The following ENOX1 variants were observed in gnomAD, a reference collection of about 807,000 sequenced individuals.
ENOX1 encodes the protein ecto-NOX disulfide-thiol exchanger 1, also known as candidate growth-related and time keeping constitutive hydroquinone (NADH) oxidase.
A neutral mutation model predicts 82.5 loss-of-function variants in ENOX1; 42 were observed. That is an observed-to-expected ratio of 0.51 (90% CI 0.40 to 0.66). The LOEUF (loss-of-function observed/expected upper bound fraction) is 0.66. ENOX1 is among the 30% of genes least tolerant of loss of function. ENOX1 has a pLI of 0.00. For synonymous variants in ENOX1, 271 were observed against 282.2 expected, an observed-to-expected ratio of 0.96 and a Z score of 0.40; for missense variants, 608 against 811.6, an observed-to-expected ratio of 0.75 and a Z score of 3.05.
chr13:43,261,737 G>C (rs570744137), intron 14 of ENOX1, among the ~76,000 whole-genome samples: 22 of 146,688 alleles, frequency 1.5e-4, no homozygotes, highest in Non-Finnish European at 3.1e-4. Flanking sequence ...ACTATCACAA[G>C]AACAAAAAAC....
At position 43,260,155 on chromosome 13, in the gene ENOX1, G is replaced by A. The variant is rs77145997; in HGVS notation, c.1611+5243C>T. 4.6e-3 allele frequency among the ~76,000 whole-genome samples: 700 copies of A among 152,304 alleles called. 12 individuals are homozygous for A. Among genetic ancestry groups the A allele is most frequent in the African/African-American group, 0.016 (675 of 41,564 alleles). ...CCTTCTGCTGTGCTGTACTAAACTTGAAGAATGTTCTTTGCACATATCTCT... is the reference window on the plus strand; with the variant it reads ...CCTTCTGCTGTGCTGTACTAAACTTAAAGAATGTTCTTTGCACATATCTCT... On this transcript the variant is annotated intron_variant, in intron 14 of 16. Transcript: ENST00000690772.
intron 3 of ENOX1, among the ~76,000 whole-genome samples, chr13:43,475,793 C>G (rs1221936887): frequency 8.0e-5 from 1 of 12,446 alleles, no homozygotes; most frequent in Admixed American, 1.3e-3. Context: ...ACATAACTGA[C>G]CAAAAAAAAA....
intron 12 of ENOX1, among the ~76,000 whole-genome samples, chr13:43,295,601 T>G (rs2046243365): frequency 6.6e-6 from 1 of 152,222 alleles, no homozygotes. Context: ...TTGTTGTTTG[T>G]TACAGAAATA....
intron 1 of ENOX1, among the ~76,000 whole-genome samples, chr13:43,675,334 C>T (rs1013234295): frequency 6.6e-6 from 1 of 152,088 alleles, no homozygotes; most frequent in African/African-American, 2.4e-5. Context: ...GAGGAGAGAC[C>T]ATGCACTGAG....
chr13:43,338,835 G>A (rs1161908757), intron 9 of ENOX1, among the ~76,000 whole-genome samples: 2 of 151,852 alleles, frequency 1.3e-5, no homozygotes, highest in African/African-American at 2.4e-5. Context: ...ACAGGCGCCC[G>A]CCACTGCCCC....
chr13:43,756,972 C>CAAAAAAAAAAAAAAA (rs1164153402), intron 1 of ENOX1, among the ~76,000 whole-genome samples: 11 of 28,042 alleles, frequency 3.9e-4, no homozygotes, highest in African/African-American at 7.3e-4. Flanking sequence ...AAAACAACAA[C>CAAAAAAAAAAAAAAA]AAAAAAAAAA....
intron 5 of ENOX1, among the ~76,000 whole-genome samples, chr13:43,402,205 C>A (rs1416295900): frequency 6.6e-6 from 1 of 152,002 alleles, no homozygotes; most frequent in Non-Finnish European, 1.5e-5. Context: ...AGGGAAGATA[C>A]ATTTTTAAAA....
chr13:43,572,085 A>C (rs1387985190), intron 2 of ENOX1, among the ~76,000 whole-genome samples: 1 of 152,212 alleles, frequency 6.6e-6, no homozygotes, highest in Non-Finnish European at 1.5e-5. Context: ...TGCTATATAT[A>C]AACAAAAATA....
intron 2 of ENOX1, among the ~76,000 whole-genome samples, chr13:43,587,187 C>T (rs78231456): frequency 8.3e-4 from 126 of 152,278 alleles, no homozygotes; most frequent in Non-Finnish European, 1.4e-3. Context: ...AAGCACTTGT[C>T]AGTCTCAATT....
chr13:43,219,040 G>A (rs1378842573), intron 16 of ENOX1, among the ~76,000 whole-genome samples: 1 of 152,112 alleles, frequency 6.6e-6, no homozygotes, highest in South Asian at 2.1e-4. Context: ...AGACCTCACT[G>A]GCTGAGCTCT....
At chr13:43,393,469 G>A (rs1477659567) in intron 5 of ENOX1, among the ~76,000 whole-genome samples, 1 of 152,088 alleles carries the variant, frequency 6.6e-6, no homozygotes, top group Non-Finnish European at 1.5e-5. Flanking sequence ...AATGGTTCCA[G>A]GAGGCATAAG....
At chr13:43,723,871 A>G (rs2088745895) in intron 1 of ENOX1, among the ~76,000 whole-genome samples, 1 of 152,210 alleles carries the variant, frequency 6.6e-6, no homozygotes, top group Non-Finnish European at 1.5e-5. Context: ...ATATTTCATT[A>G]AGATAAAAAT....
intron 2 of ENOX1, among the ~76,000 whole-genome samples, chr13:43,613,457 C>T: frequency 6.6e-6 from 1 of 151,830 alleles, no homozygotes; most frequent in South Asian, 2.1e-4. Flanking sequence ...AAATTATATC[C>T]CAATAAAGCT....
chr13:43,656,532 G>A (rs113571582), intron 2 of ENOX1, among the ~76,000 whole-genome samples: 4 of 152,098 alleles, frequency 2.6e-5, no homozygotes, highest in African/African-American at 4.8e-5. Flanking sequence ...AAGATGAATC[G>A]GGAAGAGGCA....
chr13:43,616,001 C>T (rs762601990), intron 2 of ENOX1, among the ~76,000 whole-genome samples: 2 of 148,166 alleles, frequency 1.3e-5, no homozygotes, highest in Non-Finnish European at 3.0e-5. Flanking sequence ...CACTGATAGG[C>T]ATTTGGGTTG....
At chr13:43,459,676 A>G (rs1322159139) in intron 3 of ENOX1, among the ~76,000 whole-genome samples, 1 of 152,104 alleles carries the variant, frequency 6.6e-6, no homozygotes, top group Admixed American at 6.5e-5. Flanking sequence ...GCTGTCAATA[A>G]TCCTTTGTTT....
chr13:43,246,543 G>C (rs2153464702), intron 14 of ENOX1, among the ~76,000 whole-genome samples: 1 of 152,380 alleles, frequency 6.6e-6, no homozygotes, highest in African/African-American at 2.4e-5. Context: ...CTGGCTGGCT[G>C]CTGCTGTTTG....
chr13:43,541,803 A>C (rs758562958), intron 2 of ENOX1, among the ~76,000 whole-genome samples: 11 of 152,208 alleles, frequency 7.2e-5, no homozygotes, highest in Non-Finnish European at 1.0e-4. Flanking sequence ...ATAATGTCAA[A>C]TCATTATTGG....
At chr13:43,263,265 G>C (rs2044181407) in intron 14 of ENOX1, among the ~76,000 whole-genome samples, 1 of 152,142 alleles carries the variant, frequency 6.6e-6, no homozygotes. Context: ...TAGGGAGGGA[G>C]GTGGCCACCC....
Sources: gnomAD v4.1 joint callset for allele counts (sites outside exome capture counted in the v4.1 genomes callset) on GRCh38, gnomAD v4.1.1 for gene constraint, MANE v1.5 for transcripts, NCBI Gene and HGNC (gene_info 2026-07-23, HGNC 2026-07-21) for gene names.